The following ZNRF2 variants were observed in gnomAD, a reference collection of about 807,000 sequenced individuals.
ZNRF2 encodes E3 ubiquitin-protein ligase ZNRF2.
Under a neutral mutation model 20.4 loss-of-function variants are expected in ZNRF2, and 16 were observed. The observed-to-expected ratio is 0.79, with a 90% CI of 0.53 to 1.19. The LOEUF is 1.19. ZNRF2 is among the 50% of genes most tolerant of loss of function. The pLI is 0.00. For missense variants in ZNRF2, 363 were observed against 332.4 expected (o/e 1.09, Z -0.72); for synonymous variants, 178 against 144.9 (o/e 1.23, Z -1.64).
intron 4 of ZNRF2, among the ~76,000 whole-genome samples, chr7:30,365,060 C>T (rs1396383338): frequency 6.6e-6 from 1 of 151,970 alleles, no homozygotes; most frequent in Non-Finnish European, 1.5e-5. Context: ...CCAAAGGCCC[C>T]ACCTCTTAAT....
chr7:30,285,902 A>T (rs1798777783), intron 1 of ZNRF2, 76 bp downstream of exon 1: 4 of 1,348,916 alleles, frequency 3.0e-6, no homozygotes, highest in Non-Finnish European at 2.9e-6. Flanking sequence ...GGCTATTTTT[A>T]CCCTTCTCCT....
intron 1 of ZNRF2, among the ~76,000 whole-genome samples, chr7:30,295,574 G>A (rs1002359531): frequency 6.6e-6 from 1 of 152,156 alleles, no homozygotes; most frequent in Non-Finnish European, 1.5e-5. Context: ...GCCAGGTGTG[G>A]TGGTGCGTGC....
At chr7:30,341,167 C>G (rs1271439455) in intron 2 of ZNRF2, among the ~76,000 whole-genome samples, 3 of 152,038 alleles carry the variant, frequency 2.0e-5, no homozygotes, top group Non-Finnish European at 4.4e-5. Flanking sequence ...TTTTGTTAAT[C>G]TTTTCAAAAT....
chr7:30,353,268 G>A (rs776917971), intron 2 of ZNRF2, among the ~76,000 whole-genome samples: 4 of 152,044 alleles, frequency 2.6e-5, no homozygotes, highest in Non-Finnish European at 4.4e-5. Context: ...AATTTTCTGA[G>A]CAGAGATTAT....
chr7:30,328,874 G>A (rs1317140966), intron 2 of ZNRF2, among the ~76,000 whole-genome samples: 1 of 152,180 alleles, frequency 6.6e-6, no homozygotes, highest in Non-Finnish European at 1.5e-5. Context: ...ATCTATTGCA[G>A]ATGGTATTTT....
At chr7:30,342,079 G>A (rs1006787094) in intron 2 of ZNRF2, among the ~76,000 whole-genome samples, 4 of 139,524 alleles carry the variant, frequency 2.9e-5, no homozygotes, top group Non-Finnish European at 6.2e-5. Flanking sequence ...CCATTTGCTT[G>A]GTAAATATTC....
intron 1 of ZNRF2, among the ~76,000 whole-genome samples, chr7:30,322,825 G>A (rs917908444): frequency 5.9e-5 from 9 of 152,170 alleles, no homozygotes; most frequent in Non-Finnish European, 1.0e-4. Context: ...TGGTATATCT[G>A]AGGACTGTCT....
chr7:30,309,978 G>A (rs1330016124), intron 1 of ZNRF2, among the ~76,000 whole-genome samples: 1 of 152,178 alleles, frequency 6.6e-6, no homozygotes, highest in African/African-American at 2.4e-5. Context: ...ATCAGGTCTG[G>A]TTGGTGTTTT....
chr7:30,301,398 G>A, intron 1 of ZNRF2, among the ~76,000 whole-genome samples: 1 of 152,034 alleles, frequency 6.6e-6, no homozygotes, highest in Non-Finnish European at 1.5e-5. Context: ...CAGGAGAATC[G>A]CTTAAACCCG....
chr7:30,311,023 C>G (rs1485065388), intron 1 of ZNRF2, among the ~76,000 whole-genome samples: 1 of 152,086 alleles, frequency 6.6e-6, no homozygotes, highest in African/African-American at 2.4e-5. Context: ...CTTTTCCAAG[C>G]TGTTGTGGTT....
At chr7:30,342,799 G>A (rs1017821382) in intron 2 of ZNRF2, among the ~76,000 whole-genome samples, 7 of 152,044 alleles carry the variant, frequency 4.6e-5, no homozygotes, top group Non-Finnish European at 1.0e-4. Context: ...CCGATAAGTA[G>A]TGGTTTTTTT....
At chr7:30,313,266 A>G (rs1799318340) in intron 1 of ZNRF2, among the ~76,000 whole-genome samples, 1 of 152,228 alleles carries the variant, frequency 6.6e-6, no homozygotes, top group South Asian at 2.1e-4. Context: ...CATAGAGGCT[A>G]GAGTTCATTG....
intron 1 of ZNRF2, among the ~76,000 whole-genome samples, chr7:30,301,727 A>G (rs1012312502): frequency 6.8e-6 from 1 of 147,790 alleles, no homozygotes; most frequent in African/African-American, 2.5e-5. Context: ...AAAAAAACTT[A>G]TCTTTGTCTT....
chr7:30,324,162 C>T (rs116664761), intron 2 of ZNRF2, among the ~76,000 whole-genome samples: 4,260 of 152,074 alleles, frequency 0.028, 221 homozygotes, highest in African/African-American at 0.097. Flanking sequence ...TCTGCTTCTT[C>T]ATTCAGTTTA....
chr7:30,286,864 A>AT (rs1327113124), intron 1 of ZNRF2, among the ~76,000 whole-genome samples: 8 of 152,164 alleles, frequency 5.3e-5, no homozygotes, highest in African/African-American at 1.9e-4. Flanking sequence ...GATCCCCTAC[A>AT]TTTTTGTGCC....
chr7:30,286,624 CAGG>C (rs752145961), intron 1 of ZNRF2, among the ~76,000 whole-genome samples: 2 of 152,188 alleles, frequency 1.3e-5, no homozygotes, highest in Non-Finnish European at 2.9e-5. Flanking sequence ...ACTACAGAAA[CAGG>C]AGGAAGTGTG....
intron 2 of ZNRF2, among the ~76,000 whole-genome samples, chr7:30,330,667 A>G (rs1799623947): frequency 6.6e-6 from 1 of 152,198 alleles, no homozygotes; most frequent in African/African-American, 2.4e-5. Context: ...TCTGCCTTAT[A>G]TACTACATTT....
At chr7:30,310,368 T>G (rs940154888) in intron 1 of ZNRF2, among the ~76,000 whole-genome samples, 1 of 152,248 alleles carries the variant, frequency 6.6e-6, no homozygotes, top group Non-Finnish European at 1.5e-5. Flanking sequence ...TTTGGATATT[T>G]TGAACAGTTC....
At chr7:30,348,410 G>T (rs1799911024) in intron 2 of ZNRF2, among the ~76,000 whole-genome samples, 1 of 152,136 alleles carries the variant, frequency 6.6e-6, no homozygotes, top group Non-Finnish European at 1.5e-5. Context: ...GCTGCATGCT[G>T]GGATAAGCTA....
Sources: gnomAD v4.1 joint callset for allele counts (sites outside exome capture counted in the v4.1 genomes callset) on GRCh38, gnomAD v4.1.1 for gene constraint, MANE v1.5 for transcripts, NCBI Gene and HGNC (gene_info 2026-07-23, HGNC 2026-07-21) for gene names.